Variants in SAMD4B observed in about 807,000 individuals in gnomAD.
The protein encoded by SAMD4B is sterile alpha motif domain containing 4B.
SAMD4B carries 5 observed loss-of-function variants against 74.5 expected under a neutral mutation model. The ratio of observed to expected loss-of-function variants is 0.07; its 90% CI spans 0.04 to 0.14. The LOEUF is 0.14. Among genes scored for constraint, SAMD4B ranks in the 10% least tolerant of loss-of-function variants. SAMD4B has a pLI of 1.00. For synonymous variants in SAMD4B, 373 were observed against 374.9 expected, an observed-to-expected ratio of 1.00 and a Z score of 0.06; for missense variants, 608 against 921.8, an observed-to-expected ratio of 0.66 and a Z score of 4.41.
In SAMD4B at chr19:39,383,998, G is replaced by A. The variant is rs1191854835; in HGVS notation, c.*471G>A. ...CAGAATGTTATTGAGAGGAGCTGGG[G>A]AGAAGGAAGGGGAGCAAGGAGAGGA... On this transcript the variant is annotated 3_prime_UTR_variant, in exon 14 of 14. Transcript: ENST00000610417. The surrounding 1 kb of genome is among the most constrained non-coding windows in gnomAD (Gnocchi z 4.1). The A allele has an allele frequency of 2.3e-6, 1 of 433,538 alleles. No individual in the cohort carries two copies. The allele number at this position is 433,538 out of a possible 1,614,324, so 26.9% of individuals were successfully genotyped here.
At chr19:39,388,699 C>A, downstream of SAMD4B, 1 of 1,611,728 alleles carries the variant, frequency 6.2e-7, no homozygotes, top group South Asian at 1.1e-5. Context: ...AAAGGAGTAG[C>A]AATGAAGTGT....
intron 1 of SAMD4B, chr19:39,348,284 A>C (rs1242831798): frequency 6.6e-6 from 1 of 152,232 alleles, no homozygotes; most frequent in Non-Finnish European, 1.5e-5. Flanking sequence ...CATGGATCTT[A>C]CAGTCTAGGT....
intron 3 of SAMD4B, among the ~76,000 whole-genome samples, chr19:39,357,400 C>T (rs181649209): frequency 1.3e-5 from 2 of 152,172 alleles, no homozygotes; most frequent in East Asian, 1.9e-4. Context: ...TTATGAAAGG[C>T]GTATAGAAGG....
chr19:39,383,787 T>C lies in SAMD4B; in HGVS notation c.*260T>C. On this transcript the variant is annotated 3_prime_UTR_variant, in exon 14 of 14. Transcript: ENST00000610417. This position sits in a 1 kb window ranked among gnomAD's most constrained non-coding sequence, Gnocchi z 4.1. Reference sequence around the variant, plus strand: ...GGGGGCAGGGACTGGCCAGACTGCCTGCCTCTCTCCTTTCCTTCCTCATCC... The same window carrying C: ...GGGGGCAGGGACTGGCCAGACTGCCCGCCTCTCTCCTTTCCTTCCTCATCC... 1 of 1,382,908 alleles carries C rather than the reference T, an allele frequency of 7.2e-7. No homozygotes were observed. The allele number at this position is 1,382,908 out of a possible 1,614,324, so 85.7% of individuals were successfully genotyped here.
At chr19:39,386,689 G>T, downstream of SAMD4B, 1 of 1,610,984 alleles carries the variant, frequency 6.2e-7, no homozygotes, top group Non-Finnish European at 8.5e-7. The surrounding 1 kb of genome is among the most constrained non-coding windows in gnomAD (Gnocchi z 6.1). Flanking sequence ...AGTGGTGCTT[G>T]TTACCTGAGC....
chr19:39,357,825 C>T (rs997611461), intron 3 of SAMD4B, among the ~76,000 whole-genome samples: 3 of 152,158 alleles, frequency 2.0e-5, no homozygotes, highest in African/African-American at 4.8e-5. Flanking sequence ...AGTGGATACC[C>T]GAAAGCTAGC....
At chr19:39,376,339 CTT>C in intron 5 of SAMD4B, 96 bp from the exon 6 acceptor site, 1 of 991,388 alleles carries the variant, frequency 1.0e-6, no homozygotes, top group South Asian at 1.5e-5. Flanking sequence ...TTTTTTGCAT[CTT>C]TTGAGGCTTC....
At chr19:39,359,564 C>T (rs1024488387) in intron 3 of SAMD4B, among the ~76,000 whole-genome samples, 20 of 152,126 alleles carry the variant, frequency 1.3e-4, no homozygotes, top group African/African-American at 4.6e-4. Context: ...AAGATCATTC[C>T]GTATTCAGCA....
At chr19:39,390,254 G>A (rs770045189), downstream of SAMD4B, 12 of 1,613,738 alleles carry the variant, frequency 7.4e-6, no homozygotes, top group Non-Finnish European at 9.3e-6. Flanking sequence ...GCACAGTGGG[G>A]CTCACCTCTC....
At chr19:39,348,621 A>C (rs1422253655) in intron 1 of SAMD4B, among the ~76,000 whole-genome samples, 1 of 152,336 alleles carries the variant, frequency 6.6e-6, no homozygotes, top group South Asian at 2.1e-4. Flanking sequence ...TTTTCATTTA[A>C]GGGGATTGGG....
At chr19:39,389,690 C>T, downstream of SAMD4B, 1 of 1,614,144 alleles carries the variant, frequency 6.2e-7, no homozygotes, top group Non-Finnish European at 8.5e-7. This position sits in a 1 kb window ranked among gnomAD's most constrained non-coding sequence, Gnocchi z 5.3. Context: ...GATGGTGACC[C>T]CCAGGTCTGG....
At chr19:39,355,634 G>A (rs967384088) in intron 2 of SAMD4B, among the ~76,000 whole-genome samples, 1 of 152,218 alleles carries the variant, frequency 6.6e-6, no homozygotes, top group African/African-American at 2.4e-5. Flanking sequence ...GTTGAGTGGA[G>A]ATCTGGAGCT....
At chr19:39,377,299 A>G (rs1325406074) in intron 7 of SAMD4B, among the ~76,000 whole-genome samples, 186 bp from the exon 8 acceptor site, 1 of 152,102 alleles carries the variant, frequency 6.6e-6, no homozygotes, top group Non-Finnish European at 1.5e-5. Context: ...CTTCATCTTA[A>G]TGGGAAAGAG....
chr19:39,363,440 C>T (rs1051316875), intron 3 of SAMD4B, among the ~76,000 whole-genome samples: 1 of 152,158 alleles, frequency 6.6e-6, no homozygotes, highest in Non-Finnish European at 1.5e-5. Flanking sequence ...CCACCCCTGT[C>T]GGGAATCTTA....
intron 10 of SAMD4B, 126 bp downstream of exon 10, chr19:39,380,210 TC>T: frequency 1.4e-6 from 1 of 722,634 alleles, no homozygotes; most frequent in Non-Finnish European, 2.2e-6. Context: ...TGGGCGACTT[TC>T]CCAGAAGAAA....
chr19:39,380,260 C>T (rs570807564), intron 10 of SAMD4B, among the ~76,000 whole-genome samples, 176 bp downstream of exon 10: 100 of 152,354 alleles, frequency 6.6e-4, no homozygotes, highest in Non-Finnish European at 1.0e-3. Context: ...AAAAACAACA[C>T]ATGTCCCATG....
intron 1 of SAMD4B, among the ~76,000 whole-genome samples, chr19:39,346,634 G>A (rs2075721060): frequency 6.6e-6 from 1 of 152,204 alleles, no homozygotes; most frequent in Non-Finnish European, 1.5e-5. Context: ...ATGAGATTAA[G>A]AACAGGTAGG....
Position 39,384,805 on chromosome 19 carries a change from A to T in SAMD4B, c.*1278A>T, listed in dbSNP as rs2078197750. The T allele has an allele frequency of 2.0e-5, 3 of 152,546 alleles. No homozygotes were observed. The South Asian group carries it at 6.2e-4, about 32-fold the overall frequency. 9.4% of individuals were successfully genotyped at this position (152,546 alleles called of 1,614,324 possible). On this transcript the variant is annotated 3_prime_UTR_variant, in exon 14 of 14. Coordinates refer to ENST00000610417, the MANE Select transcript of SAMD4B (RefSeq NM_001384574.2). Reference sequence around the variant, plus strand: ...CTTTTCACACCGAAAAGGAAAAAAAATGTTATTTTTAGATACATTTTATGA... The same window carrying T: ...CTTTTCACACCGAAAAGGAAAAAAATTGTTATTTTTAGATACATTTTATGA...
intron 1 of SAMD4B, among the ~76,000 whole-genome samples, chr19:39,344,744 T>C (rs960752784): frequency 6.6e-6 from 1 of 152,180 alleles, no homozygotes; most frequent in African/African-American, 2.4e-5. Flanking sequence ...TATGTTTCCT[T>C]GTAAAGATTC....
Sources: allele counts gnomAD v4.1 joint callset (sites outside exome capture counted in the v4.1 genomes callset), GRCh38; gene constraint gnomAD v4.1.1; non-coding constraint Gnocchi (gnomAD v3.1); transcripts MANE v1.5; gene names NCBI Gene and HGNC (gene_info 2026-07-23, HGNC 2026-07-21).